Variants in DPH1 observed in about 807,000 individuals in gnomAD.
DPH1 encodes 2-(3-amino-3-carboxypropyl)histidine synthase subunit 1.
In DPH1, 59 loss-of-function variants were observed where a neutral mutation model predicts 55.3. The ratio of observed to expected loss-of-function variants is 1.07; its 90% confidence interval spans 0.87 to 1.33. The LOEUF (loss-of-function observed/expected upper bound fraction) is 1.33. DPH1 is among the 40% of genes most tolerant of loss of function. The probability of loss-of-function intolerance (pLI) is 0.00; values close to 1 mark genes in which losing one functional copy is unlikely to be tolerated. For missense variants in DPH1, 628 were observed against 584.8 expected, an observed-to-expected ratio of 1.07 and a Z score of -0.76; for synonymous variants, 238 against 235.5, an observed-to-expected ratio of 1.01 and a Z score of -0.10.
In DPH1 at chr17:2,030,169, G is replaced by A. The variant is rs777260398; in HGVS notation, c.-1G>A. 1 of 1,603,010 alleles carries A rather than the reference G, an allele frequency of 6.2e-7. No individual in the cohort carries two copies. Among genetic ancestry groups the A allele is most frequent in the Non-Finnish European group, 8.5e-7 (1 of 1,175,836 alleles). ...TTTAGTACCACATGCGCAGGCAGGT[G>A]ATGGCGGCGCTGGTCGTATCCGGGG... On this transcript the variant is annotated 5_prime_UTR_variant, in exon 1 of 13. Coordinates refer to ENST00000263083, the MANE Select transcript of DPH1 (RefSeq NM_001383.6).
chr17:2,041,263 A>G (rs1473650805), intron 10 of DPH1, 82 bp downstream of exon 10: 2 of 1,518,240 alleles, frequency 1.3e-6, no homozygotes, highest in African/African-American at 1.4e-5. Context: ...GTGGGTGGGC[A>G]GCACTTCGTT....
In DPH1 at chr17:2,039,766, A is replaced by G; in HGVS notation, c.692A>G (p.Asp231Gly). Residue 231 changes from aspartate (D) to glycine (G), a missense_variant, in exon 7 of 13, where the codon GAT becomes GGT. By Grantham distance (94) the Asp-to-Gly change is moderately conservative. Transcript: ENST00000263083. ...TTCCACCCCTGCAGGTATCTTGGAG[A>G]TGGCCGCTTCCATCTGGAGTCTGTC... ...KEVEAVVYLG[D>G]GRFHLESVMI... is the part of the protein sequence containing the mutation. 1 of 1,614,060 alleles carries G rather than the reference A, an allele frequency of 6.2e-7. No homozygotes were observed. Among genetic ancestry groups the G allele is most frequent in the Non-Finnish European group, 8.5e-7 (1 of 1,180,008 alleles).
At chr17:2,030,308 C>G in intron 1 of DPH1, 78 bp downstream of exon 1, 2 of 1,438,424 alleles carry the variant, frequency 1.4e-6, no homozygotes, top group Non-Finnish European at 1.8e-6. Flanking sequence ...GACCAACCCC[C>G]TTTAACGGCG....
chr17:2,040,267 C>G lies in DPH1; in HGVS notation c.799C>G (p.Arg267Gly), dbSNP rs754912345. 1.2e-6 allele frequency: 2 copies of G among 1,614,060 alleles called. No individual in the cohort carries two copies. The highest frequency in any genetic ancestry group is 3.3e-5 in the Admixed American group (2 of 60,032). Residue 267 changes from arginine to glycine, a missense_variant, in exon 8 of 13, where the codon CGC (arginine) becomes GGC (glycine). By Grantham distance (125) the Arg-to-Gly change is moderately radical (BLOSUM62 -2). Coordinates refer to ENST00000263083, the MANE Select transcript of DPH1 (RefSeq NM_001383.6). ...ATCCAGAGAACACTATGACCACCAG[C>G]GCATGCAGGCTGCTCGCCAAGAAGC... ...VLSREHYDHQ[R>G]MQAARQEAIA...
chr17:2,032,700 G>T (rs987786147), intron 1 of DPH1, among the ~76,000 whole-genome samples: 1 of 152,186 alleles, frequency 6.6e-6, no homozygotes, highest in Non-Finnish European at 1.5e-5. Flanking sequence ...TAAAGCTTAA[G>T]ACCTAAACTT....
At chr17:2,034,223 C>T (rs2067371806) in intron 3 of DPH1, among the ~76,000 whole-genome samples, 1 of 152,004 alleles carries the variant, frequency 6.6e-6, no homozygotes, top group African/African-American at 2.4e-5. Context: ...GTGGGGGGCA[C>T]CTGTTCCTCG....
intron 1 of DPH1, among the ~76,000 whole-genome samples, chr17:2,031,699 C>G (rs1047965413): frequency 7.2e-5 from 11 of 152,048 alleles, no homozygotes; most frequent in Non-Finnish European, 1.3e-4. Context: ...CATGATTGCA[C>G]CCCTGCACTC....
In DPH1 at chr17:2,042,971, C is replaced by G; in HGVS notation, c.*385C>G. On this transcript the variant is annotated 3_prime_UTR_variant, in exon 13 of 13. Coordinates refer to ENST00000263083, the MANE Select transcript of DPH1 (RefSeq NM_001383.6). ...GGGGACACTGACAAAGTCATCCCCTCTCAGGAGAGTGTGCAACTGGCCAGC... is the reference window on the plus strand; with the variant it reads ...GGGGACACTGACAAAGTCATCCCCTGTCAGGAGAGTGTGCAACTGGCCAGC... 1.2e-6 allele frequency: 2 copies of G among 1,614,154 alleles called. No homozygotes were observed. The highest frequency in any genetic ancestry group is 1.7e-6 in the Non-Finnish European group (2 of 1,180,040).
chr17:2,042,403 C>A, intron 12 of DPH1: 1 of 1,254,832 alleles, frequency 8.0e-7, no homozygotes, highest in Non-Finnish European at 1.0e-6. Context: ...GCCTGTCCTC[C>A]CAGGCTTCCG....
intron 1 of DPH1, among the ~76,000 whole-genome samples, chr17:2,032,784 C>T (rs1450003010): frequency 6.6e-6 from 1 of 152,232 alleles, no homozygotes; most frequent in Admixed American, 6.5e-5. Context: ...CGCTCTGTTG[C>T]CCAGGCTGGA....
intron 9 of DPH1, 165 bp from the exon 10 acceptor site, chr17:2,040,938 C>T (rs762244952): frequency 4.0e-5 from 29 of 724,794 alleles, no homozygotes; most frequent in Non-Finnish European, 6.0e-5. Context: ...GGAGAAAACA[C>T]GCAACAATAC....
Position 2,040,218 on chromosome 17 carries a change from G to T in DPH1, c.750G>T (p.Arg250=), listed in dbSNP as rs1567547352. Residue 250 remains arginine, a splice_region_variant and synonymous_variant, in exon 8 of 13, where the codon CGG becomes CGT. Coordinates refer to ENST00000263083, the MANE Select transcript of DPH1 (RefSeq NM_001383.6). ...MIANPNVPAY[R]YDPYSKVLSR... ...GTGACCCTGACTGCTTCTTTTCCAG[G>T]TATGACCCATATAGCAAAGTCCTAT... The T allele has an allele frequency of 6.2e-7, 1 of 1,613,838 alleles. No homozygotes were observed. The highest frequency in any genetic ancestry group is 8.5e-7 in the Non-Finnish European group (1 of 1,180,008).
chr17:2,033,714 G>A (rs2067363253), intron 2 of DPH1, 57 bp downstream of exon 2: 2 of 1,613,724 alleles, frequency 1.2e-6, no homozygotes, highest in Non-Finnish European at 1.7e-6. Flanking sequence ...GGCCCAGATG[G>A]GACAGTGTCC....
intron 12 of DPH1, 31 bp downstream of exon 12, chr17:2,041,906 C>G (rs1025082872): frequency 6.5e-7 from 1 of 1,546,040 alleles, no homozygotes; most frequent in South Asian, 1.2e-5. Flanking sequence ...TGCGCCCCGC[C>G]TTTTGCCGTT....
Position 2,042,673 on chromosome 17 carries a change from G to A in DPH1, c.*87G>A, listed in dbSNP as rs886225077. The A allele has an allele frequency of 5.9e-6, 9 of 1,525,086 alleles. No individual in the cohort carries two copies. In the East Asian group the frequency reaches 1.4e-4, roughly 23 times the overall value. 94.5% of individuals were successfully genotyped at this position (1,525,086 alleles called of 1,614,324 possible). On this transcript the variant is annotated 3_prime_UTR_variant, in exon 13 of 13. Transcript: ENST00000263083. ...AGAGCAGGAGGCCGACGTTTTCTCC[G>A]CATTGGAAGAGCCCGCCGTCTGCAG...
intron 6 of DPH1, 132 bp downstream of exon 6, chr17:2,037,088 G>C (rs1238652378): frequency 7.5e-7 from 1 of 1,335,984 alleles, no homozygotes; most frequent in Non-Finnish European, 1.0e-6. Context: ...CACACTGCAA[G>C]GTAGGGACCA....
chr17:2,031,611 G>A (rs2067333594), intron 1 of DPH1, among the ~76,000 whole-genome samples: 1 of 148,880 alleles, frequency 6.7e-6, no homozygotes, highest in Non-Finnish European at 1.5e-5. Flanking sequence ...CTTGGCACAT[G>A]CCTGTGGTCC....
At position 2,033,507 on chromosome 17, in the gene DPH1, C is replaced by A. The variant is rs753008362; in HGVS notation, c.64C>A (p.Arg22=). Residue 22 remains arginine, a splice_region_variant and synonymous_variant, in exon 2 of 13, where the codon CGG becomes AGG. Transcript: ENST00000263083. The part of the protein sequence containing the change: ...QGGRDGPGRG[R]APRGRVANQI... ...CTCAGGCCTTATATCCATTCTAGGT[C>A]GGGCCCCTCGGGGCCGCGTGGCCAA... is the stretch of plus-strand genomic sequence containing the variant. 1 of 1,613,990 alleles carries A rather than the reference C, an allele frequency of 6.2e-7. No homozygotes were observed. The highest frequency in any genetic ancestry group is 1.7e-5 in the Admixed American group (1 of 60,032).
Position 2,041,101 on chromosome 17 carries a change from A to G in DPH1, c.1008-2A>G. 6.3e-7 allele frequency: 1 copy of G among 1,597,876 alleles called. No individual in the cohort carries two copies. Among genetic ancestry groups the G allele is most frequent in the Non-Finnish European group, 8.5e-7 (1 of 1,171,784 alleles). ...AGGGTCTGACCTGGCTTCCCTTCCC[A>G]GGTGGGTGCAGGTGGCATGTCCACG... On this transcript the variant is annotated splice_acceptor_variant, in intron 9 of 12. Coordinates refer to ENST00000263083, the MANE Select transcript of DPH1 (RefSeq NM_001383.6). LOFTEE classifies it high-confidence loss of function.
Sources: allele counts gnomAD v4.1 joint callset (sites outside exome capture counted in the v4.1 genomes callset), GRCh38; gene constraint gnomAD v4.1.1; transcripts MANE v1.5; gene names NCBI Gene and HGNC (gene_info 2026-07-23, HGNC 2026-07-21).